The following RRM2 variants were observed in gnomAD, a reference collection of about 807,000 sequenced individuals.
RRM2 encodes the protein ribonucleotide reductase regulatory subunit M2.
In RRM2, 6 loss-of-function variants were observed where a neutral mutation model predicts 45.9. The observed-to-expected ratio is 0.13, with a 90% CI of 0.07 to 0.26. RRM2 has a LOEUF of 0.26. Ranked by LOEUF, RRM2 falls within the 10% of genes least tolerant of loss-of-function variation. The pLI is 1.00. For missense variants in RRM2, 343 were observed against 489.5 expected (o/e 0.70, Z 2.82); for synonymous variants, 177 against 173.0 (o/e 1.02, Z -0.18).
At chr2:10,174,574 T>TAAA (rs5829250) in intron 3 of RRM2, among the ~76,000 whole-genome samples, 6 of 143,496 alleles carry the variant, frequency 4.2e-5, no homozygotes, top group East Asian at 2.0e-4. Flanking sequence ...ATTATTTCCT[T>TAAA]AAAAAAAAAA....
At chr2:10,166,363 A>G (rs991219237) in intron 3 of RRM2, among the ~76,000 whole-genome samples, 9 of 151,988 alleles carry the variant, frequency 5.9e-5, no homozygotes, top group Non-Finnish European at 1.2e-4. Flanking sequence ...CCCTGCTCGC[A>G]CCCCAGGTTC....
At chr2:10,145,625 T>TGG (rs1274241919) in intron 3 of RRM2, 1 of 152,128 alleles carries the variant, frequency 6.6e-6, no homozygotes, top group African/African-American at 2.4e-5. Context: ...TGCCAGACAG[T>TGG]GGGCCTGGGG....
At chr2:10,186,724 A>G (rs1664175118) in intron 3 of RRM2, among the ~76,000 whole-genome samples, 1 of 152,234 alleles carries the variant, frequency 6.6e-6, no homozygotes, top group Non-Finnish European at 1.5e-5. Context: ...TGCTTAGCAC[A>G]TAGTAAGTGC....
rs1001211434 is a variant in RRM2, at chr2:10,185,474, G to A, written n.483-24837G>A. ...AAAAATAGAATAATAGAAAAGCCCAGCGTGCGACATCAGTGTCAACAGAGG... is the reference window on the plus strand; with the variant it reads ...AAAAATAGAATAATAGAAAAGCCCAACGTGCGACATCAGTGTCAACAGAGG... On this transcript the variant is annotated intron_variant and non_coding_transcript_variant, in intron 3 of 3. Coordinates refer to the RRM2 transcript ENST00000381786. The surrounding 1 kb of genome is among the most constrained non-coding windows in gnomAD (Gnocchi z 4.3). Among the ~76,000 whole-genome samples the A allele has an allele frequency of 5.9e-5, 9 of 152,124 alleles. No individual in the cohort carries two copies. The highest frequency in any genetic ancestry group is 2.2e-4 in the African/African-American group (9 of 41,432).
chr2:10,179,080 T>C (rs1206764604), intron 3 of RRM2, among the ~76,000 whole-genome samples: 1 of 152,162 alleles, frequency 6.6e-6, no homozygotes, highest in East Asian at 1.9e-4. Flanking sequence ...TGTGTACCGA[T>C]GATTTATTCT....
chr2:10,174,463 G>A (rs1473853059), intron 3 of RRM2, among the ~76,000 whole-genome samples: 3 of 152,064 alleles, frequency 2.0e-5, no homozygotes, highest in East Asian at 1.9e-4. Context: ...CGCCAAAGCA[G>A]GCCCACAAGC....
At chr2:10,168,420 G>T (rs985300470) in intron 3 of RRM2, among the ~76,000 whole-genome samples, 1 of 152,062 alleles carries the variant, frequency 6.6e-6, no homozygotes, top group African/African-American at 2.4e-5. Flanking sequence ...TGGCAGTTTC[G>T]CTCTGGGCCT....
rs180684380 is a variant in RRM2, at chr2:10,142,680, C to G, written n.482+305C>G. On this transcript the variant is annotated intron_variant and non_coding_transcript_variant, in intron 3 of 3. Coordinates refer to the RRM2 transcript ENST00000381786. ...CCCCCACCATGGCCAGATCCCCCAC[C>G]CCACCTTCACCCTCCGCCAGTCCAT... 2.2e-4 allele frequency among the ~76,000 whole-genome samples: 33 copies of G among 152,260 alleles called. No homozygotes were observed. The East Asian group carries it at 4.4e-3, about 20-fold the overall frequency.
chr2:10,158,542 G>A lies in RRM2; in HGVS notation n.482+16167G>A, dbSNP rs374500296. On this transcript the variant is annotated intron_variant and non_coding_transcript_variant, in intron 3 of 3. Coordinates refer to the RRM2 transcript ENST00000381786. ...CACCTCTGCTGCCTGCCCTAACTCC[G>A]GGCTGTGATGAAGCAGCTCTGTTGG... Among the ~76,000 whole-genome samples, 10 of 152,068 alleles carry A rather than the reference G, an allele frequency of 6.6e-5. No individual in the cohort carries two copies. In the East Asian group the frequency reaches 1.9e-3, roughly 30 times the overall value.
At chr2:10,148,898 A>C (rs1335578814) in intron 3 of RRM2, among the ~76,000 whole-genome samples, 2 of 152,138 alleles carry the variant, frequency 1.3e-5, no homozygotes, top group African/African-American at 4.8e-5. Context: ...ATCTCTTTAC[A>C]CCGTTCATTT....
intron 3 of RRM2, among the ~76,000 whole-genome samples, chr2:10,166,567 A>G (rs1663687071): frequency 6.6e-6 from 1 of 152,202 alleles, no homozygotes; most frequent in Middle Eastern, 3.4e-3. Context: ...TATCTTCCAC[A>G]CTGCCCCTGG....
chr2:10,141,819 G>T, intron 1 of RRM2: 1 of 1,551,364 alleles, frequency 6.4e-7, no homozygotes, highest in Admixed American at 2.0e-5. Flanking sequence ...GCTCCAGCAT[G>T]CAGTCACTGA....
intron 3 of RRM2, among the ~76,000 whole-genome samples, chr2:10,154,710 T>TC (rs1182046422): frequency 2.0e-5 from 3 of 148,896 alleles, no homozygotes; most frequent in Non-Finnish European, 4.5e-5. Context: ...TTTTTTTTTT[T>TC]TTGAGACTGT....
At chr2:10,124,326 G>A (rs914994251) in intron 4 of RRM2, among the ~76,000 whole-genome samples, 1 of 152,080 alleles carries the variant, frequency 6.6e-6, no homozygotes, top group African/African-American at 2.4e-5. Flanking sequence ...GGCTGGTCTC[G>A]AACTGCTGAC....
At chr2:10,154,805 C>T (rs1663392570) in intron 3 of RRM2, among the ~76,000 whole-genome samples, 1 of 149,196 alleles carries the variant, frequency 6.7e-6, no homozygotes, top group Non-Finnish European at 1.5e-5. Context: ...AAGTGATTCT[C>T]CTGCCTCAGC....
rs771246264 is a variant in RRM2, at chr2:10,129,202, C to T, written c.1018-32C>T. On this transcript the variant is annotated intron_variant, in intron 9 of 9. Coordinates refer to ENST00000304567, the MANE Select transcript of RRM2 (RefSeq NM_001034.4). This position sits in a 1 kb window ranked among gnomAD's most constrained non-coding sequence, Gnocchi z 4.8. ...TTTTGCTTGTTTTGAAGCTGGTGCTCTGTATTTATATCTTGATGTGAACCT... is the reference window on the plus strand; with the variant it reads ...TTTTGCTTGTTTTGAAGCTGGTGCTTTGTATTTATATCTTGATGTGAACCT... The T allele has an allele frequency of 3.8e-5, 62 of 1,613,778 alleles. No individual in the cohort carries two copies. The highest frequency in any genetic ancestry group is 4.8e-5 in the Non-Finnish European group (57 of 1,179,860).
At chr2:10,187,814 C>A (rs901606642) in intron 3 of RRM2, among the ~76,000 whole-genome samples, 1 of 152,194 alleles carries the variant, frequency 6.6e-6, no homozygotes, top group Non-Finnish European at 1.5e-5. Context: ...CAGAGGAAGG[C>A]GAGGAGAGCC....
chr2:10,173,837 C>A (rs570031212), intron 3 of RRM2, among the ~76,000 whole-genome samples: 1 of 152,184 alleles, frequency 6.6e-6, no homozygotes, highest in South Asian at 2.1e-4. Flanking sequence ...TGGCCTGGCG[C>A]GGGCTGATTA....
At chr2:10,155,154 T>C in intron 3 of RRM2, 1 of 339,318 alleles carries the variant, frequency 2.9e-6, no homozygotes, top group Non-Finnish European at 5.7e-6. Flanking sequence ...CACTCTCGGA[T>C]CCTGTTTGAA....
Sources: allele counts gnomAD v4.1 joint callset (sites outside exome capture counted in the v4.1 genomes callset), GRCh38; gene constraint gnomAD v4.1.1; non-coding constraint Gnocchi (gnomAD v3.1); transcripts MANE v1.5; gene names NCBI Gene and HGNC (gene_info 2026-07-23, HGNC 2026-07-21).